FAM193A: variants seen among roughly 807,000 people sequenced by gnomAD.
FAM193A encodes protein FAM193A.
In FAM193A, 22 loss-of-function variants were observed where a neutral mutation model predicts 126.5. That is an observed-to-expected ratio of 0.17 (90% CI 0.12 to 0.25). The LOEUF (loss-of-function observed/expected upper bound fraction) is 0.25, where lower values mean the gene tolerates loss of function less well. Among genes scored for constraint, FAM193A ranks in the 10% least tolerant of loss-of-function variants. The probability of loss-of-function intolerance (pLI) is 1.00; values close to 1 mark genes in which losing one functional copy is unlikely to be tolerated. For missense variants in FAM193A, 1,675 were observed against 1,672.8 expected, an observed-to-expected ratio of 1.00 and a Z score of -0.02; for synonymous variants, 761 against 646.8, an observed-to-expected ratio of 1.18 and a Z score of -2.68.
At chr4:2,574,390 G>C (rs769961474) in intron 1 of FAM193A, among the ~76,000 whole-genome samples, 3 of 152,180 alleles carry the variant, frequency 2.0e-5, no homozygotes, top group African/African-American at 7.2e-5. Flanking sequence ...CTGTGCTCTC[G>C]TTCACTGCTG....
At chr4:2,556,952 A>G (rs1024397590) in intron 1 of FAM193A, among the ~76,000 whole-genome samples, 28 of 152,240 alleles carry the variant, frequency 1.8e-4, no homozygotes, top group African/African-American at 6.3e-4. Context: ...ATAATTTTAG[A>G]TTTACAGAAA....
At chr4:2,600,482 G>A (rs948521311) in intron 2 of FAM193A, among the ~76,000 whole-genome samples, 3 of 152,170 alleles carry the variant, frequency 2.0e-5, no homozygotes, top group Admixed American at 6.5e-5. Flanking sequence ...TGGGCATCTA[G>A]TGCGTTTTTC....
At chr4:2,580,435 C>T (rs760320019) in intron 1 of FAM193A, among the ~76,000 whole-genome samples, 4 of 152,182 alleles carry the variant, frequency 2.6e-5, no homozygotes, top group Non-Finnish European at 5.9e-5. Flanking sequence ...GCCTGTGACA[C>T]ATGTTTACCT....
intron 13 of FAM193A, among the ~76,000 whole-genome samples, chr4:2,688,306 G>A (rs1416812396): frequency 6.6e-6 from 1 of 152,178 alleles, no homozygotes; most frequent in Non-Finnish European, 1.5e-5. Context: ...ACGGATTTTA[G>A]TGTGTTCAGT....
intron 2 of FAM193A, among the ~76,000 whole-genome samples, chr4:2,606,662 T>C (rs1352113660): frequency 2.0e-5 from 3 of 152,240 alleles, no homozygotes; most frequent in African/African-American, 7.2e-5. Flanking sequence ...TAACATCACA[T>C]GTTGGTTATT....
At chr4:2,710,599 C>G (rs953389880) in intron 19 of FAM193A, among the ~76,000 whole-genome samples, 2 of 151,406 alleles carry the variant, frequency 1.3e-5, no homozygotes, top group African/African-American at 4.9e-5. Context: ...CTTCCCTGGG[C>G]TCGGGTGATC....
intron 5 of FAM193A, 36 bp from the exon 6 acceptor site, chr4:2,639,699 A>C (rs765969364): frequency 6.3e-7 from 1 of 1,585,952 alleles, no homozygotes; most frequent in Admixed American, 1.7e-5. Context: ...GCAATTCACT[A>C]CATCTTCTGT....
intron 20 of FAM193A, among the ~76,000 whole-genome samples, chr4:2,723,419 A>G (rs908110938): frequency 1.3e-4 from 20 of 152,004 alleles, no homozygotes; most frequent in African/African-American, 4.8e-4. Flanking sequence ...TACTGAAAAT[A>G]CAAAAATTAG....
chr4:2,695,194 A>C (rs745318204), intron 17 of FAM193A, 65 bp downstream of exon 17: 3 of 1,390,890 alleles, frequency 2.2e-6, no homozygotes, highest in Non-Finnish European at 2.9e-6. Context: ...CCTTTGCAGA[A>C]ATTCTGTACT....
chr4:2,585,543 A>G (rs909982025), intron 1 of FAM193A, among the ~76,000 whole-genome samples: 1 of 151,982 alleles, frequency 6.6e-6, no homozygotes, highest in Non-Finnish European at 1.5e-5. Context: ...CAATTTTTTC[A>G]GTCAAGTTGT....
chr4:2,650,411 A>G (rs1745542872), intron 7 of FAM193A, among the ~76,000 whole-genome samples: 2 of 152,244 alleles, frequency 1.3e-5, no homozygotes, highest in African/African-American at 4.8e-5. Context: ...GAGAAGGAAA[A>G]CAGAAGGCGA....
chr4:2,571,927 A>T (rs1024056018), intron 1 of FAM193A, among the ~76,000 whole-genome samples: 5 of 150,550 alleles, frequency 3.3e-5, no homozygotes, highest in African/African-American at 1.2e-4. Context: ...GCACTTCGAG[A>T]GGCTGAGGCT....
At chr4:2,549,192 G>A (rs1409835370) in intron 1 of FAM193A, among the ~76,000 whole-genome samples, 3 of 151,720 alleles carry the variant, frequency 2.0e-5, no homozygotes, top group African/African-American at 7.3e-5. Context: ...GCCCACCTCA[G>A]CCTCCCAAAG....
intron 19 of FAM193A, among the ~76,000 whole-genome samples, chr4:2,703,099 A>G (rs1375405950): frequency 6.6e-6 from 1 of 151,994 alleles, no homozygotes; most frequent in Non-Finnish European, 1.5e-5. Context: ...TCTACTTCAT[A>G]TATTCTGGGA....
chr4:2,631,433 G>A (rs755233847), intron 5 of FAM193A, among the ~76,000 whole-genome samples: 7 of 152,176 alleles, frequency 4.6e-5, no homozygotes, highest in Non-Finnish European at 8.8e-5. Flanking sequence ...GAGGCCCAGG[G>A]AACGAGGCAT....
chr4:2,615,521 A>T (rs1049119332), intron 2 of FAM193A, among the ~76,000 whole-genome samples: 1 of 151,746 alleles, frequency 6.6e-6, no homozygotes, highest in African/African-American at 2.4e-5. Flanking sequence ...ATTTTATTTT[A>T]TTTTATTTTT....
At chr4:2,588,140 G>A (rs1009081368) in intron 1 of FAM193A, among the ~76,000 whole-genome samples, 28 of 152,168 alleles carry the variant, frequency 1.8e-4, no homozygotes, top group African/African-American at 6.5e-4. Flanking sequence ...CAGAGTCCAT[G>A]TCCCTGTTCT....
At chr4:2,708,843 C>T (rs1408708079) in intron 19 of FAM193A, among the ~76,000 whole-genome samples, 1 of 152,124 alleles carries the variant, frequency 6.6e-6, no homozygotes, top group Non-Finnish European at 1.5e-5. Flanking sequence ...GTTTTCCAGG[C>T]ATTCTATTAT....
chr4:2,562,529 C>T (rs919713212), intron 1 of FAM193A, among the ~76,000 whole-genome samples: 4 of 152,110 alleles, frequency 2.6e-5, no homozygotes, highest in African/African-American at 9.7e-5. Context: ...GAGTGATGAT[C>T]CCTTAGGCTG....
Sources: gnomAD v4.1 joint callset for allele counts (sites outside exome capture counted in the v4.1 genomes callset) on GRCh38, gnomAD v4.1.1 for gene constraint, MANE v1.5 for transcripts, NCBI Gene and HGNC (gene_info 2026-07-23, HGNC 2026-07-21) for gene names.